Variants in PLCB1 observed in about 807,000 individuals in gnomAD.
PLCB1 encodes the protein 1-phosphatidylinositol 4,5-bisphosphate phosphodiesterase beta-1.
Under a neutral mutation model 161.8 loss-of-function variants are expected in PLCB1, and 46 were observed. The observed-to-expected ratio is 0.28, with a 90% CI of 0.22 to 0.36. The LOEUF (loss-of-function observed/expected upper bound fraction) is 0.36. PLCB1 is among the 10% of genes least tolerant of loss of function. The pLI is 1.00. For missense variants in PLCB1, 1,016 were observed against 1,472.5 expected, an observed-to-expected ratio of 0.69 and a Z score of 5.07; for synonymous variants, 517 against 503.7, an observed-to-expected ratio of 1.03 and a Z score of -0.35.
At chr20:8,482,095 T>A (rs1048957925) in intron 3 of PLCB1, among the ~76,000 whole-genome samples, 72 of 27,322 alleles carry the variant, frequency 2.6e-3, no homozygotes, top group Non-Finnish European at 5.9e-3. Context: ...TGAAGGAATT[T>A]TTTTTTTTTT....
At chr20:8,761,578 G>C (rs982468138) in intron 25 of PLCB1, among the ~76,000 whole-genome samples, 1 of 152,156 alleles carries the variant, frequency 6.6e-6, no homozygotes, top group Non-Finnish European at 1.5e-5. Context: ...GAACACAGTG[G>C]TACAATCTCG....
At chr20:8,532,970 A>G (rs536332807) in intron 3 of PLCB1, among the ~76,000 whole-genome samples, 6 of 151,564 alleles carry the variant, frequency 4.0e-5, no homozygotes, top group East Asian at 1.9e-4. Flanking sequence ...CCATTAACTC[A>G]TCATTTAGCA....
At chr20:8,329,376 C>G (rs1985280635) in intron 2 of PLCB1, among the ~76,000 whole-genome samples, 1 of 149,676 alleles carries the variant, frequency 6.7e-6, no homozygotes, top group African/African-American at 2.5e-5. Context: ...CTGGAGTGCA[C>G]TCCTAGCCTC....
intron 2 of PLCB1, among the ~76,000 whole-genome samples, chr20:8,327,604 A>G (rs1014786820): frequency 6.6e-6 from 1 of 152,168 alleles, no homozygotes; most frequent in African/African-American, 2.4e-5. Context: ...TCTACCATAG[A>G]AGGCTTGTTA....
chr20:8,705,797 G>A (rs2123446502), intron 11 of PLCB1, among the ~76,000 whole-genome samples: 1 of 152,334 alleles, frequency 6.6e-6, no homozygotes, highest in East Asian at 1.9e-4. Context: ...AAAAAGAGAT[G>A]TATTTAAAGA....
chr20:8,743,848 T>C (rs1981006732), intron 23 of PLCB1, among the ~76,000 whole-genome samples: 1 of 152,194 alleles, frequency 6.6e-6, no homozygotes, highest in African/African-American at 2.4e-5. Flanking sequence ...TAAGAAAGAC[T>C]GTTCTATGAG....
At chr20:8,811,278 T>G (rs1984808946) in intron 31 of PLCB1, among the ~76,000 whole-genome samples, 1 of 152,176 alleles carries the variant, frequency 6.6e-6, no homozygotes, top group Admixed American at 6.5e-5. Flanking sequence ...AGACAGCTTA[T>G]CTAACACTCA....
intron 2 of PLCB1, among the ~76,000 whole-genome samples, chr20:8,236,826 T>C (rs531272284): frequency 7.2e-5 from 11 of 152,094 alleles, no homozygotes; most frequent in African/African-American, 2.6e-4. Flanking sequence ...AATGGGAAAG[T>C]AAAGTCCCCC....
intron 15 of PLCB1, among the ~76,000 whole-genome samples, chr20:8,723,619 C>T (rs1053373717): frequency 6.6e-6 from 1 of 152,146 alleles, no homozygotes; most frequent in African/African-American, 2.4e-5. Flanking sequence ...AGCTCCTTCA[C>T]ATAAATTAAC....
chr20:8,639,477 G>A (rs993773111), intron 4 of PLCB1, among the ~76,000 whole-genome samples: 1 of 152,144 alleles, frequency 6.6e-6, no homozygotes, highest in African/African-American at 2.4e-5. Flanking sequence ...CTCATAGATC[G>A]AGATGCCTCT....
intron 3 of PLCB1, among the ~76,000 whole-genome samples, chr20:8,377,985 G>C (rs1336382737): frequency 6.6e-6 from 1 of 152,182 alleles, no homozygotes; most frequent in Non-Finnish European, 1.5e-5. Flanking sequence ...TTTGAGATCT[G>C]AGACATGGGA....
At chr20:8,766,908 T>A (rs1265281889) in intron 26 of PLCB1, among the ~76,000 whole-genome samples, 2 of 152,186 alleles carry the variant, frequency 1.3e-5, no homozygotes, top group South Asian at 2.1e-4. Flanking sequence ...AACTTTTTCA[T>A]GAGTCCAGCT....
At chr20:8,864,903 G>T (rs1987374693) in intron 31 of PLCB1, among the ~76,000 whole-genome samples, 1 of 152,202 alleles carries the variant, frequency 6.6e-6, no homozygotes, top group East Asian at 1.9e-4. Flanking sequence ...TTGGGAAGCA[G>T]CGCCAGAATT....
chr20:8,211,224 G>C (rs1978808519), intron 2 of PLCB1, among the ~76,000 whole-genome samples: 1 of 151,978 alleles, frequency 6.6e-6, no homozygotes, highest in Admixed American at 6.6e-5. Context: ...TGAGAGACTT[G>C]GCTTTATTTT....
At chr20:8,444,798 A>C (rs1278379977) in intron 3 of PLCB1, among the ~76,000 whole-genome samples, 1 of 152,078 alleles carries the variant, frequency 6.6e-6, no homozygotes, top group Non-Finnish European at 1.5e-5. Context: ...TCTGATGGCC[A>C]GTGATGATGA....
chr20:8,591,346 GACAAAGTAGATAATAAGC>G (rs749174597), intron 3 of PLCB1, among the ~76,000 whole-genome samples: 2 of 152,134 alleles, frequency 1.3e-5, no homozygotes, highest in Non-Finnish European at 2.9e-5. Context: ...TCACCAGGGA[GACAAAGTAGATAATAAGC>G]ACAAAGTAGA....
intron 3 of PLCB1, among the ~76,000 whole-genome samples, chr20:8,466,583 A>G (rs1390636829): frequency 1.3e-5 from 2 of 152,122 alleles, no homozygotes; most frequent in African/African-American, 2.4e-5. Context: ...AATACTAACA[A>G]TTGAGCCTAT....
chr20:8,446,205 A>T (rs200951083), intron 3 of PLCB1, among the ~76,000 whole-genome samples: 1 of 152,154 alleles, frequency 6.6e-6, no homozygotes, highest in Non-Finnish European at 1.5e-5. Context: ...AAAAGCTTAT[A>T]CACCATGATC....
intron 2 of PLCB1, among the ~76,000 whole-genome samples, chr20:8,180,643 G>A (rs2051831506): frequency 6.7e-6 from 1 of 150,254 alleles, no homozygotes; most frequent in East Asian, 1.9e-4. Flanking sequence ...ATACTTTCAG[G>A]AATCCAAAGT....
Sources: gnomAD v4.1 joint callset for allele counts (sites outside exome capture counted in the v4.1 genomes callset) on GRCh38, gnomAD v4.1.1 for gene constraint, MANE v1.5 for transcripts, NCBI Gene and HGNC (gene_info 2026-07-23, HGNC 2026-07-21) for gene names.